The following WFDC3 variants were observed in gnomAD, a reference collection of about 807,000 sequenced individuals.
WFDC3 encodes WAP four-disulfide core domain 3.
A neutral mutation model predicts 25.8 loss-of-function variants in WFDC3; 15 were observed. That is an observed-to-expected ratio of 0.58 (90% confidence interval 0.39 to 0.89). WFDC3 has a LOEUF of 0.89. Ranked by LOEUF, WFDC3 falls within the 40% of genes least tolerant of loss-of-function variation. WFDC3 has a pLI of 0.00. For missense variants in WFDC3, 264 were observed against 289.8 expected, an observed-to-expected ratio of 0.91 and a Z score of 0.65; for synonymous variants, 103 against 107.1, an observed-to-expected ratio of 0.96 and a Z score of 0.24.
intron 4 of WFDC3, among the ~76,000 whole-genome samples, chr20:45,782,172 T>C (rs1288091250): frequency 6.6e-6 from 1 of 152,110 alleles, no homozygotes; most frequent in Non-Finnish European, 1.5e-5. Flanking sequence ...TCCCCCAGGT[T>C]GTCCCTGTCT....
At chr20:45,780,503 C>T (rs1980395279) in intron 4 of WFDC3, among the ~76,000 whole-genome samples, 1 of 152,154 alleles carries the variant, frequency 6.6e-6, no homozygotes, top group African/African-American at 2.4e-5. Context: ...CCTGGCTTTG[C>T]CATGCTAGGT....
chr20:45,775,188 G>A (rs188365331), intron 6 of WFDC3, among the ~76,000 whole-genome samples: 1 of 152,124 alleles, frequency 6.6e-6, no homozygotes, highest in East Asian at 1.9e-4. Flanking sequence ...GGGAACAGGT[G>A]TAAGCCTGTA....
At chr20:45,791,516 C>G (rs1388235441) in intron 1 of WFDC3, among the ~76,000 whole-genome samples, 3 of 152,076 alleles carry the variant, frequency 2.0e-5, no homozygotes, top group Non-Finnish European at 4.4e-5. Flanking sequence ...AGGCTGGTCT[C>G]GAACTCCTGA....
intron 4 of WFDC3, among the ~76,000 whole-genome samples, chr20:45,781,828 G>T (rs1203248292): frequency 6.6e-6 from 1 of 152,190 alleles, no homozygotes; most frequent in African/African-American, 2.4e-5. Context: ...TTATCAGTTA[G>T]AGTAGTACAA....
chr20:45,781,083 T>TAA (rs1436448991), intron 4 of WFDC3, among the ~76,000 whole-genome samples: 5 of 67,746 alleles, frequency 7.4e-5, no homozygotes, highest in Non-Finnish European at 1.3e-4. Flanking sequence ...CTACTAAAAA[T>TAA]ACAAAAAAAA....
intron 1 of WFDC3, among the ~76,000 whole-genome samples, chr20:45,790,678 T>A (rs1351802757): frequency 6.6e-6 from 1 of 150,674 alleles, no homozygotes; most frequent in African/African-American, 2.4e-5. Flanking sequence ...TGAGTGGAGA[T>A]CATGCCACTG....
chr20:45,789,848 G>A (rs1206262354), intron 2 of WFDC3, 46 bp downstream of exon 2: 5 of 1,565,560 alleles, frequency 3.2e-6, no homozygotes, highest in Non-Finnish European at 3.5e-6. Flanking sequence ...CTCTCCTCTA[G>A]TCACTTTCTG....
Position 45,787,926 on chromosome 20 carries a change from T to C in WFDC3, c.268A>G (p.Ile90Val). 1.2e-6 allele frequency: 2 copies of C among 1,614,082 alleles called. No homozygotes were observed. The highest frequency in any genetic ancestry group is 1.7e-6 in the Non-Finnish European group (2 of 1,180,000). Residue 90 changes from isoleucine (I) to valine (V), a missense_variant, in exon 4 of 7, where the codon ATC becomes GTC. Coordinates refer to ENST00000243938, the MANE Select transcript of WFDC3 (RefSeq NM_080614.2). The part of the protein sequence containing the change: ...IRKQSCLKRC[I>V]TDETCPGVKK... ...ACACCTGGACATGTCTCATCAGTGA[T>C]GCACCTTTTCAAACAGGATTGTTTC...
At chr20:45,790,066 G>C in intron 1 of WFDC3, 84 bp from the exon 2 acceptor site, 1 of 1,056,500 alleles carries the variant, frequency 9.5e-7, no homozygotes, top group Non-Finnish European at 1.4e-6. Flanking sequence ...CAGGACTAGG[G>C]ATGGCCCCAA....
At chr20:45,778,223 G>C (rs1443254820) in intron 4 of WFDC3, among the ~76,000 whole-genome samples, 1 of 152,176 alleles carries the variant, frequency 6.6e-6, no homozygotes, top group Non-Finnish European at 1.5e-5. Flanking sequence ...ACAGAACCTA[G>C]AAGAGAGGTC....
At chr20:45,789,146 C>T in intron 2 of WFDC3, 87 bp from the exon 3 acceptor site, 1 of 1,548,172 alleles carries the variant, frequency 6.5e-7, no homozygotes, top group South Asian at 1.2e-5. Flanking sequence ...GCATCTCTAT[C>T]CAAAATATTT....
chr20:45,787,739 T>C (rs1264243144), intron 4 of WFDC3, 97 bp downstream of exon 4: 1 of 1,446,628 alleles, frequency 6.9e-7, no homozygotes, highest in Non-Finnish European at 9.2e-7. Context: ...TCTTAGAATA[T>C]AGCAGCAAAG....
At position 45,788,949 on chromosome 20, in the gene WFDC3, A is replaced by G; in HGVS notation, c.193T>C (p.Cys65Arg). The change falls in exon 3 of 7, where the codon TGC (cysteine) becomes CGC (arginine). Residue 65 changes from cysteine (C) to arginine (R), a missense_variant. By Grantham distance (180) the Cys-to-Arg change is radical (BLOSUM62 -3). Coordinates refer to ENST00000243938, the MANE Select transcript of WFDC3 (RefSeq NM_080614.2). The part of the protein sequence containing the change: ...KCCTTGCGRI[C>R]RDIPKGRKRD... ...AACATACCCTTAGGAATGTCTCGGC[A>G]GATCCGACCACAGCCTGTGGTGCAG... is the stretch of plus-strand genomic sequence containing the variant. The G allele has an allele frequency of 1.2e-6, 2 of 1,612,292 alleles. No homozygotes were observed. Among genetic ancestry groups the G allele is most frequent in the East Asian group, 2.2e-5 (1 of 44,726 alleles).
chr20:45,789,191 G>A, intron 2 of WFDC3, 132 bp from the exon 3 acceptor site: 1 of 1,230,746 alleles, frequency 8.1e-7, no homozygotes, highest in Admixed American at 3.1e-5. Flanking sequence ...GTGACAGAAT[G>A]AGACCCTGTC....
intron 3 of WFDC3, 168 bp downstream of exon 3, chr20:45,788,763 G>A (rs901591342): frequency 1.2e-6 from 1 of 850,866 alleles, no homozygotes; most frequent in Non-Finnish European, 1.7e-6. Flanking sequence ...AACAACTGGG[G>A]GCACTGAATA....
At chr20:45,780,312 A>G (rs1980386284) in intron 4 of WFDC3, among the ~76,000 whole-genome samples, 1 of 152,050 alleles carries the variant, frequency 6.6e-6, no homozygotes, top group African/African-American at 2.4e-5. Flanking sequence ...TCTGGCCTCA[A>G]GCAATCCTCC....
Position 45,788,916 on chromosome 20 carries a change from C to T in WFDC3, c.211+15G>A. 1.2e-6 allele frequency: 2 copies of T among 1,600,908 alleles called. No homozygotes were observed. Among genetic ancestry groups the T allele is most frequent in the South Asian group, 1.1e-5 (1 of 89,336 alleles). On this transcript the variant is annotated intron_variant, in intron 3 of 6. Transcript: ENST00000243938. ...CAGAGAGTATGCCCAGATTTTGCCC[C>T]TCATGCCAACATACCCTTAGGAATG...
chr20:45,776,410 A>G (rs1194390844), intron 5 of WFDC3, among the ~76,000 whole-genome samples: 1 of 150,290 alleles, frequency 6.7e-6, no homozygotes, highest in African/African-American at 2.5e-5. Flanking sequence ...GTTCAAGACC[A>G]GCCTGGTCAA....
At chr20:45,781,776 C>T (rs1193775612) in intron 4 of WFDC3, among the ~76,000 whole-genome samples, 2 of 152,156 alleles carry the variant, frequency 1.3e-5, no homozygotes, top group East Asian at 3.9e-4. Flanking sequence ...TCAGCCTAAA[C>T]CACAATGTTT....
Sources: allele counts gnomAD v4.1 joint callset (sites outside exome capture counted in the v4.1 genomes callset), GRCh38; gene constraint gnomAD v4.1.1; transcripts MANE v1.5; gene names NCBI Gene and HGNC (gene_info 2026-07-23, HGNC 2026-07-21).